NEURL1: variants seen among roughly 807,000 people sequenced by gnomAD.
NEURL1 encodes E3 ubiquitin-protein ligase NEURL1.
Under a neutral mutation model 41.2 loss-of-function variants are expected in NEURL1, and 26 were observed. The ratio of observed to expected loss-of-function variants is 0.63; its 90% CI spans 0.46 to 0.87. The LOEUF (loss-of-function observed/expected upper bound fraction) is 0.87, where lower values mean the gene tolerates loss of function less well. Ranked by LOEUF, NEURL1 falls within the 40% of genes least tolerant of loss-of-function variation. The pLI is 0.00. For missense variants in NEURL1, 761 were observed against 871.1 expected, an observed-to-expected ratio of 0.87 and a Z score of 1.59; for synonymous variants, 400 against 402.3, an observed-to-expected ratio of 0.99 and a Z score of 0.07.
intron 1 of NEURL1, among the ~76,000 whole-genome samples, chr10:103,540,650 A>G (rs2034802201): frequency 1.3e-5 from 2 of 151,346 alleles, no homozygotes; most frequent in Non-Finnish European, 1.5e-5. Flanking sequence ...CAACTTTATC[A>G]TCTTGTGCTT....
intron 1 of NEURL1, among the ~76,000 whole-genome samples, chr10:103,519,772 TG>T (rs201234612): frequency 9.4e-5 from 13 of 138,766 alleles, no homozygotes; most frequent in South Asian, 2.3e-4. Context: ...AATAGTTTTT[TG>T]TTGTTGTTGT....
rs370544663 is a variant in NEURL1, at chr10:103,584,485, G to A, written c.650-51G>A. 2.9e-5 allele frequency: 36 copies of A among 1,224,740 alleles called. No homozygotes were observed. The East Asian group carries it at 4.5e-4, about 15-fold the overall frequency. 75.9% of individuals were successfully genotyped at this position (1,224,740 alleles called of 1,614,324 possible). On this transcript the variant is annotated intron_variant, in intron 3 of 5. Transcript: ENST00000369780. ...AGGGACCGGACAGCGGGGCGCGCCG[G>A]GGCCGCCTCCCGAGAGCCCTGCGTG...
chr10:103,514,256 T>A (rs957832227), intron 1 of NEURL1, among the ~76,000 whole-genome samples: 2 of 150,834 alleles, frequency 1.3e-5, no homozygotes, highest in African/African-American at 4.8e-5. Context: ...GCCCAGCTAA[T>A]TTTTTTTGTA....
In NEURL1 at chr10:103,545,875, C is replaced by T. The variant is rs905124018; in HGVS notation, c.86-24997C>T. Among the ~76,000 whole-genome samples the T allele has an allele frequency of 6.6e-6, 1 of 152,154 alleles. No homozygotes were observed. Among genetic ancestry groups the T allele is most frequent in the African/African-American group, 2.4e-5 (1 of 41,430 alleles). On this transcript the variant is annotated intron_variant, in intron 1 of 5. Coordinates refer to ENST00000369780, the MANE Select transcript of NEURL1 (RefSeq NM_004210.5). The surrounding 1 kb of genome is among the most constrained non-coding windows in gnomAD (Gnocchi z 4.5). Reference sequence around the variant, plus strand: ...GCTCTGACCCCTAGTGTGGGAGTGGCCCAGAGCCTGGCTGGGGCAAGGCCT... The same window carrying T: ...GCTCTGACCCCTAGTGTGGGAGTGGTCCAGAGCCTGGCTGGGGCAAGGCCT...
At chr10:103,519,695 C>T (rs1269324151) in intron 1 of NEURL1, among the ~76,000 whole-genome samples, 2 of 152,132 alleles carry the variant, frequency 1.3e-5, no homozygotes, top group Non-Finnish European at 2.9e-5. Context: ...GCCACCTGTC[C>T]TGGACATCAC....
intron 1 of NEURL1, among the ~76,000 whole-genome samples, chr10:103,552,389 A>G (rs2035049637): frequency 6.6e-6 from 1 of 152,080 alleles, no homozygotes; most frequent in South Asian, 2.1e-4. Flanking sequence ...ACCCTGCTCC[A>G]TACCAACCTT....
At chr10:103,511,038 A>G (rs1167958540) in intron 1 of NEURL1, among the ~76,000 whole-genome samples, 1 of 151,984 alleles carries the variant, frequency 6.6e-6, no homozygotes, top group Non-Finnish European at 1.5e-5. Context: ...GCCCGCATCC[A>G]CCCTGCTGCA....
In NEURL1 at chr10:103,590,202, G is replaced by A. The variant is rs776930848; in HGVS notation, c.1555G>A (p.Asp519Asn). ...GACCCCAGGTCTGGGCCAGTGGAGC[G>A]ATGAGTGCACCATTTGCTATGAACA... ...PVTPGLGQWS[D>N]ECTICYEHAV... The change falls in exon 6 of 6, where the codon GAT becomes AAT. Residue 519 changes from aspartate (D) to asparagine (N), a missense_variant. Coordinates refer to ENST00000369780, the MANE Select transcript of NEURL1 (RefSeq NM_004210.5). 2.0e-5 allele frequency: 32 copies of A among 1,614,094 alleles called. No individual in the cohort carries two copies. Among genetic ancestry groups the A allele is most frequent in the African/African-American group, 5.3e-5 (4 of 74,924 alleles).
In NEURL1 at chr10:103,517,120, G is replaced by T. The variant is rs1592189418; in HGVS notation, c.85+22648G>T. ...CGTCTTACTGCAGCCTCCACCTCCT[G>T]GGCTCAAGGGATCCTCCCACCTCAG... On this transcript the variant is annotated intron_variant, in intron 1 of 5. Coordinates refer to ENST00000369780, the MANE Select transcript of NEURL1 (RefSeq NM_004210.5). 2.0e-5 allele frequency among the ~76,000 whole-genome samples: 3 copies of T among 151,082 alleles called. No homozygotes were observed. The East Asian group carries it at 5.9e-4, about 30-fold the overall frequency.
chr10:103,552,374 T>C (rs1038206517), intron 1 of NEURL1, among the ~76,000 whole-genome samples: 1 of 152,184 alleles, frequency 6.6e-6, no homozygotes, highest in African/African-American at 2.4e-5. Context: ...AGGCTCCTCC[T>C]GCTCACCCTG....
chr10:103,537,120 A>G lies in NEURL1; in HGVS notation c.86-33752A>G, dbSNP rs577509222. 2.6e-4 allele frequency among the ~76,000 whole-genome samples: 40 copies of G among 152,348 alleles called. No homozygotes were observed. The South Asian group carries it at 7.0e-3, about 27-fold the overall frequency. On this transcript the variant is annotated intron_variant, in intron 1 of 5. Transcript: ENST00000369780. ...TTTCTTTCCTTTCTAAGGTTGAATT[A>G]TATTCCATTGTATGTATGTGCCACA...
intron 1 of NEURL1, among the ~76,000 whole-genome samples, chr10:103,522,617 A>G (rs1444096226): frequency 6.6e-6 from 1 of 151,990 alleles, no homozygotes. Context: ...AAAAAAAAAA[A>G]AAAAAGAAGT....
chr10:103,519,599 G>A (rs55771356), intron 1 of NEURL1, among the ~76,000 whole-genome samples: 38,301 of 152,008 alleles, frequency 0.25, 4,986 homozygotes, highest in East Asian at 0.29. Context: ...AGGGCTGGTC[G>A]GGTCTAGTTC....
rs2035560166 is a variant in NEURL1, at chr10:103,571,921, CCTCT to C, written c.649+102_649+105del. 1.9e-5 allele frequency: 23 copies of C among 1,196,678 alleles called. No homozygotes were observed. In the South Asian group the frequency reaches 3.5e-4, roughly 18 times the overall value. The allele number at this position is 1,196,678 out of a possible 1,614,324, so 74.1% of individuals were successfully genotyped here. A position where few individuals can be genotyped will look rare whatever the true frequency, so the allele number is the denominator to read the frequency against. On this transcript the variant is annotated intron_variant, in intron 3 of 5. Coordinates refer to ENST00000369780, the MANE Select transcript of NEURL1 (RefSeq NM_004210.5). ...TTCAATCCCATCAGGCGTAGGGACCCCTCTCTGACTGGTGCCAAGGGGAACCGGG... is the reference window on the plus strand; with the variant it reads ...TTCAATCCCATCAGGCGTAGGGACCCCTGACTGGTGCCAAGGGGAACCGGG...
chr10:103,538,230 G>A (rs1442589562), intron 1 of NEURL1, among the ~76,000 whole-genome samples: 2 of 152,022 alleles, frequency 1.3e-5, no homozygotes, highest in African/African-American at 4.8e-5. Flanking sequence ...GAGTAGTTGG[G>A]ACTACAGGTG....
intron 1 of NEURL1, among the ~76,000 whole-genome samples, chr10:103,532,545 T>C (rs1454486708): frequency 6.6e-6 from 1 of 152,226 alleles, no homozygotes; most frequent in East Asian, 1.9e-4. Context: ...TATGGTATTA[T>C]TGGCTGATGA....
intron 1 of NEURL1, among the ~76,000 whole-genome samples, chr10:103,533,577 C>T (rs919758426): frequency 2.6e-5 from 4 of 151,786 alleles, no homozygotes; most frequent in Non-Finnish European, 4.4e-5. Context: ...CACTCTGTCG[C>T]CCAGGCTGGA....
chr10:103,494,688 C>A, intron 1 of NEURL1: 1 of 543,270 alleles, frequency 1.8e-6, no homozygotes, highest in Non-Finnish European at 3.2e-6. Flanking sequence ...TGTCTGCTGG[C>A]ACTGGGAACG....
At chr10:103,580,112 G>A (rs1479017122) in intron 3 of NEURL1, among the ~76,000 whole-genome samples, 4 of 152,112 alleles carry the variant, frequency 2.6e-5, no homozygotes, top group Admixed American at 2.0e-4. Flanking sequence ...CCACCTAGAG[G>A]AGGGGAAACA....
Sources: gnomAD v4.1 joint callset for allele counts (sites outside exome capture counted in the v4.1 genomes callset) on GRCh38, gnomAD v4.1.1 for gene constraint, Gnocchi (gnomAD v3.1) non-coding constraint, MANE v1.5 for transcripts, NCBI Gene and HGNC (gene_info 2026-07-23, HGNC 2026-07-21) for gene names.